The following L3MBTL4 variants were observed in gnomAD, a reference collection of about 807,000 sequenced individuals.
L3MBTL4 encodes lethal(3)malignant brain tumor-like protein 4.
In L3MBTL4, 70 loss-of-function variants were observed where a neutral mutation model predicts 84.5. The ratio of observed to expected loss-of-function variants is 0.83; its 90% CI spans 0.68 to 1.01. The LOEUF is 1.01. L3MBTL4 is among the 50% of genes least tolerant of loss of function. The probability of loss-of-function intolerance (pLI) is 0.00; values close to 1 mark genes in which losing one functional copy is unlikely to be tolerated. For missense variants in L3MBTL4, 715 were observed against 754.8 expected, an observed-to-expected ratio of 0.95 and a Z score of 0.62; for synonymous variants, 274 against 259.8, an observed-to-expected ratio of 1.05 and a Z score of -0.52.
chr18:6,304,014 CAA>C (rs201628744), intron 3 of L3MBTL4, among the ~76,000 whole-genome samples: 5 of 52,714 alleles, frequency 9.5e-5, no homozygotes, highest in Admixed American at 2.0e-4. Flanking sequence ...AACTCCATCT[CAA>C]AAAAAAAAAA....
At chr18:6,225,333 C>T (rs1302226574) in intron 10 of L3MBTL4, among the ~76,000 whole-genome samples, 1 of 152,228 alleles carries the variant, frequency 6.6e-6, no homozygotes, top group Non-Finnish European at 1.5e-5. Context: ...GCTAGCCTGT[C>T]AGTCTGGAAT....
At chr18:6,315,754 G>A (rs1012635892) in intron 1 of L3MBTL4, among the ~76,000 whole-genome samples, 1 of 152,162 alleles carries the variant, frequency 6.6e-6, no homozygotes, top group African/African-American at 2.4e-5. Flanking sequence ...CGTCCTGTGG[G>A]AACCACTCGC....
At chr18:6,133,706 G>A (rs2059945290) in intron 14 of L3MBTL4, among the ~76,000 whole-genome samples, 1 of 152,174 alleles carries the variant, frequency 6.6e-6, no homozygotes, top group South Asian at 2.1e-4. Flanking sequence ...TTGTTCGACT[G>A]TCTCTCTAAA....
At chr18:6,329,911 T>C (rs1372369892) in intron 1 of L3MBTL4, among the ~76,000 whole-genome samples, 2 of 152,224 alleles carry the variant, frequency 1.3e-5, no homozygotes, top group Admixed American at 1.3e-4. Context: ...TCAAATCATA[T>C]CAGTATGCAT....
At chr18:6,081,821 T>C (rs2058086356) in intron 15 of L3MBTL4, among the ~76,000 whole-genome samples, 1 of 152,234 alleles carries the variant, frequency 6.6e-6, no homozygotes, top group South Asian at 2.1e-4. Context: ...TATGTTTATT[T>C]GTATGTTTAC....
chr18:6,202,729 T>C (rs2045699892), intron 12 of L3MBTL4, among the ~76,000 whole-genome samples: 1 of 152,142 alleles, frequency 6.6e-6, no homozygotes, highest in African/African-American at 2.4e-5. Flanking sequence ...TTAAGCAATT[T>C]GGTAGATCAG....
At chr18:6,056,234 AT>A in intron 16 of L3MBTL4, among the ~76,000 whole-genome samples, 1 of 152,312 alleles carries the variant, frequency 6.6e-6, no homozygotes, top group Non-Finnish European at 1.5e-5. Context: ...ACAAACAAGC[AT>A]GTCAGAGACA....
intron 1 of L3MBTL4, among the ~76,000 whole-genome samples, chr18:6,370,203 A>C (rs2054103231): frequency 6.6e-6 from 1 of 151,842 alleles, no homozygotes; most frequent in Non-Finnish European, 1.5e-5. Context: ...AAGGGAAGGC[A>C]TAGGTGAGAT....
intron 4 of L3MBTL4, among the ~76,000 whole-genome samples, chr18:6,295,338 C>CTATATATA (rs1397490274): frequency 2.4e-5 from 3 of 126,526 alleles, no homozygotes; most frequent in East Asian, 2.2e-4. Context: ...CTCTCTCTCT[C>CTATATATA]TCTCTCTCTA....
intron 14 of L3MBTL4, among the ~76,000 whole-genome samples, chr18:6,107,219 G>A (rs558020628): frequency 1.3e-5 from 2 of 152,310 alleles, no homozygotes; most frequent in East Asian, 3.9e-4. Context: ...AGAGGAGGCA[G>A]AGGCAGGTTC....
chr18:6,322,672 ACC>A (rs1319731535), intron 1 of L3MBTL4, among the ~76,000 whole-genome samples: 1 of 152,202 alleles, frequency 6.6e-6, no homozygotes, highest in African/African-American at 2.4e-5. Flanking sequence ...GTATTATTCA[ACC>A]ATAAAAAGTG....
chr18:6,032,267 G>A (rs528122791), intron 16 of L3MBTL4: 27 of 956,594 alleles, frequency 2.8e-5, no homozygotes, highest in Middle Eastern at 4.4e-4. Context: ...ATGAGCCACC[G>A]CACTCGGCCT....
intron 16 of L3MBTL4, among the ~76,000 whole-genome samples, chr18:6,024,761 T>A (rs1277805234): frequency 6.6e-6 from 1 of 152,242 alleles, no homozygotes; most frequent in Non-Finnish European, 1.5e-5. Flanking sequence ...CTTACAATGC[T>A]TCCTTTTTTT....
chr18:6,369,049 A>T (rs964313028), intron 1 of L3MBTL4, among the ~76,000 whole-genome samples: 2 of 52,034 alleles, frequency 3.8e-5, no homozygotes, highest in African/African-American at 9.4e-5. Context: ...CTCAAAAATT[A>T]AAAAAAAAAA....
intron 13 of L3MBTL4, among the ~76,000 whole-genome samples, chr18:6,170,096 T>C (rs2043893295): frequency 6.6e-6 from 1 of 152,132 alleles, no homozygotes; most frequent in African/African-American, 2.4e-5. Context: ...ATATTATCTT[T>C]ATTTTATAGA....
At chr18:6,260,121 G>A (rs1197471924) in intron 5 of L3MBTL4, 1 of 151,998 alleles carries the variant, frequency 6.6e-6, no homozygotes, top group Non-Finnish European at 1.5e-5. Flanking sequence ...TTTATTTCTG[G>A]GCTCTTTATT....
chr18:5,983,685 G>A (rs1354655654), intron 16 of L3MBTL4, among the ~76,000 whole-genome samples: 1 of 152,172 alleles, frequency 6.6e-6, no homozygotes, highest in Non-Finnish European at 1.5e-5. Context: ...GCACAGGATT[G>A]AGGAGTGACG....
chr18:6,092,148 G>C (rs2143627436), intron 15 of L3MBTL4, among the ~76,000 whole-genome samples: 1 of 152,300 alleles, frequency 6.6e-6, no homozygotes, highest in South Asian at 2.1e-4. Context: ...ATGCAATAGA[G>C]AGAAGCACTA....
chr18:6,163,344 G>A (rs2043461266), intron 13 of L3MBTL4, among the ~76,000 whole-genome samples: 1 of 148,556 alleles, frequency 6.7e-6, no homozygotes, highest in African/African-American at 2.5e-5. Context: ...ATAGGGGCAG[G>A]GATGACATAT....
Sources: allele counts gnomAD v4.1 joint callset (sites outside exome capture counted in the v4.1 genomes callset), GRCh38; gene constraint gnomAD v4.1.1; transcripts MANE v1.5; gene names NCBI Gene and HGNC (gene_info 2026-07-23, HGNC 2026-07-21).